SERINC5: variants seen among roughly 807,000 people sequenced by gnomAD.
SERINC5 encodes chromosome 5 open reading frame 12.
A neutral mutation model predicts 63.1 loss-of-function variants in SERINC5; 41 were observed. The observed-to-expected ratio is 0.65, with a 90% CI of 0.51 to 0.84. The LOEUF (loss-of-function observed/expected upper bound fraction) is 0.84. Ranked by LOEUF, SERINC5 falls within the 40% of genes least tolerant of loss-of-function variation. The probability of loss-of-function intolerance (pLI) is 0.00; values close to 1 mark genes in which losing one functional copy is unlikely to be tolerated. For missense variants in SERINC5, 523 were observed against 573.0 expected (o/e 0.91, Z 0.89); for synonymous variants, 222 against 215.2 (o/e 1.03, Z -0.28).
At chr5:80,180,020 T>C (rs1383272952) in intron 2 of SERINC5, among the ~76,000 whole-genome samples, 1 of 152,140 alleles carries the variant, frequency 6.6e-6, no homozygotes, top group Non-Finnish European at 1.5e-5. Flanking sequence ...TTTATGGCCA[T>C]CTGTTTTTTT....
chr5:80,237,744 C>T (rs1172850126), intron 1 of SERINC5, among the ~76,000 whole-genome samples: 5 of 151,824 alleles, frequency 3.3e-5, no homozygotes, highest in Admixed American at 1.3e-4. Flanking sequence ...CTATCTGCCA[C>T]ACCCCTCTGC....
chr5:80,210,336 C>A (rs1409998267), intron 1 of SERINC5, among the ~76,000 whole-genome samples: 1 of 152,142 alleles, frequency 6.6e-6, no homozygotes, highest in African/African-American at 2.4e-5. Flanking sequence ...GCTGGGCCTC[C>A]CACTTACTGT....
rs1212664286 is a variant in SERINC5, at chr5:80,141,643, C to A, written c.*2020G>T. The A allele has an allele frequency of 4.1e-6, 4 of 985,488 alleles. No individual in the cohort carries two copies. In the African/African-American group the frequency reaches 7.0e-5, roughly 17 times the overall value. 61.0% of individuals were successfully genotyped at this position (985,488 alleles called of 1,614,324 possible). A position where few individuals can be genotyped will look rare whatever the true frequency, so the allele number is the denominator to read the frequency against. ...CCCAAGGCCCTAGGCCACTGCAACA[C>A]AGCTACTGTGTGTGACACGCAGCCC... On this transcript the variant is annotated 3_prime_UTR_variant, in exon 12 of 12. Transcript: ENST00000507668.
At chr5:80,214,065 A>G (rs1403369639) in intron 1 of SERINC5, among the ~76,000 whole-genome samples, 2 of 152,226 alleles carry the variant, frequency 1.3e-5, no homozygotes, top group African/African-American at 4.8e-5. Context: ...AAGATCAGTT[A>G]AATTACAGAA....
At chr5:80,118,128 G>A (rs1744404644) in intron 11 of SERINC5, among the ~76,000 whole-genome samples, 1 of 152,024 alleles carries the variant, frequency 6.6e-6, no homozygotes, top group Non-Finnish European at 1.5e-5. Context: ...GCTTGAAACT[G>A]GGAGGCGGAG....
chr5:80,167,603 C>T (rs2112377951), intron 6 of SERINC5, among the ~76,000 whole-genome samples: 1 of 152,256 alleles, frequency 6.6e-6, no homozygotes, highest in African/African-American at 2.4e-5. Context: ...ATTGCTGGAC[C>T]TAATGATAGT....
intron 1 of SERINC5, among the ~76,000 whole-genome samples, chr5:80,248,517 T>A (rs907839036): frequency 3.9e-5 from 6 of 152,224 alleles, no homozygotes; most frequent in African/African-American, 1.4e-4. Flanking sequence ...AATTTTCCAC[T>A]TAATATTTTC....
intron 1 of SERINC5, among the ~76,000 whole-genome samples, chr5:80,229,796 C>T (rs543671577): frequency 6.6e-6 from 1 of 152,190 alleles, no homozygotes; most frequent in East Asian, 1.9e-4. Context: ...TCATTCAATA[C>T]AAGGCTACTT....
At chr5:80,158,582 C>T (rs766363344) in intron 8 of SERINC5, 1 of 424,590 alleles carries the variant, frequency 2.4e-6, no homozygotes, top group Non-Finnish European at 4.3e-6. Flanking sequence ...GCTTTATTTA[C>T]CCCAAATAAA....
intron 12 of SERINC5, chr5:80,111,713 G>C (rs1415374435): frequency 3.9e-5 from 6 of 152,202 alleles, no homozygotes; most frequent in Admixed American, 6.5e-5. Context: ...CTAAGAGAGA[G>C]TCAATCAGGT....
At chr5:80,225,900 G>A (rs754261693) in intron 1 of SERINC5, among the ~76,000 whole-genome samples, 1 of 152,184 alleles carries the variant, frequency 6.6e-6, no homozygotes, top group African/African-American at 2.4e-5. Flanking sequence ...AATTAAAGAT[G>A]TGAGTGTCTT....
chr5:80,141,444 C>T lies in SERINC5; in HGVS notation c.*2219G>A. 1.0e-6 allele frequency: 1 copy of T among 985,464 alleles called. No homozygotes were observed. The allele number at this position is 985,464 out of a possible 1,614,324, so 61.0% of individuals were successfully genotyped here. A position where few individuals can be genotyped will look rare whatever the true frequency, so the allele number is the denominator to read the frequency against. ...GAATACAAGGCCTTGTCAGCTGGAC[C>T]TTGACTGCGCGTAAGGTCAGTTTCT... On this transcript the variant is annotated 3_prime_UTR_variant, in exon 12 of 12. Transcript: ENST00000507668.
intron 1 of SERINC5, among the ~76,000 whole-genome samples, chr5:80,224,133 C>CAAAAAAAAA (rs33915521): frequency 2.0e-5 from 2 of 102,114 alleles, no homozygotes; most frequent in Non-Finnish European, 3.7e-5. Context: ...AACTCCGTCT[C>CAAAAAAAAA]AAAAAAAAAA....
chr5:80,120,933 G>A (rs1228392868), intron 11 of SERINC5, among the ~76,000 whole-genome samples: 6 of 152,092 alleles, frequency 3.9e-5, no homozygotes, highest in African/African-American at 1.4e-4. Context: ...TGTTGTCCAG[G>A]CTGGAGTGCA....
chr5:80,221,517 G>A (rs1366608648), intron 1 of SERINC5, among the ~76,000 whole-genome samples: 1 of 152,170 alleles, frequency 6.6e-6, no homozygotes, highest in East Asian at 1.9e-4. Context: ...ACATCCTTAG[G>A]AGAGATGAAT....
At chr5:80,196,572 A>C (rs1299226928) in intron 2 of SERINC5, among the ~76,000 whole-genome samples, 1 of 152,230 alleles carries the variant, frequency 6.6e-6, no homozygotes, top group Non-Finnish European at 1.5e-5. Context: ...TACAAAAATC[A>C]GTACACGAAT....
intron 2 of SERINC5, among the ~76,000 whole-genome samples, chr5:80,201,529 A>C (rs1172983522): frequency 6.6e-6 from 1 of 152,202 alleles, no homozygotes; most frequent in Non-Finnish European, 1.5e-5. Context: ...AGAGCCTCAC[A>C]TCAGTTTTAT....
intron 1 of SERINC5, among the ~76,000 whole-genome samples, chr5:80,222,549 G>T (rs1252855355): frequency 7.8e-6 from 1 of 128,340 alleles, no homozygotes; most frequent in African/African-American, 2.7e-5. Context: ...GTTTTTTGTG[G>T]GTGAGTGTGT....
intron 11 of SERINC5, among the ~76,000 whole-genome samples, chr5:80,122,944 T>G (rs1744607326): frequency 6.6e-6 from 1 of 152,258 alleles, no homozygotes. Flanking sequence ...TACCTTGATT[T>G]CCAGCCCTGT....
Sources: allele counts gnomAD v4.1 joint callset (sites outside exome capture counted in the v4.1 genomes callset), GRCh38; gene constraint gnomAD v4.1.1; transcripts MANE v1.5; gene names NCBI Gene and HGNC (gene_info 2026-07-23, HGNC 2026-07-21).